Variants in DIP2C observed in about 807,000 individuals in gnomAD.
DIP2C encodes DIP2 acetate--CoA ligase C (putative), also known as disco-interacting protein 2 homolog C.
DIP2C carries 33 observed loss-of-function variants against 192.4 expected under a neutral mutation model. The observed-to-expected ratio is 0.17, with a 90% CI of 0.13 to 0.23. The LOEUF (loss-of-function observed/expected upper bound fraction) is 0.23. Among genes scored for constraint, DIP2C ranks in the 10% least tolerant of loss-of-function variants. The pLI is 1.00. For synonymous variants in DIP2C, 979 were observed against 864.1 expected (o/e 1.13, Z -2.33); for missense variants, 1,537 against 2,110.1 (o/e 0.73, Z 5.32).
chr10:515,184 G>A (rs1476684727), intron 1 of DIP2C, among the ~76,000 whole-genome samples: 2 of 152,142 alleles, frequency 1.3e-5, no homozygotes, highest in African/African-American at 2.4e-5. Flanking sequence ...ATGCAGCTGA[G>A]TTTTAATAGT....
At chr10:407,559 G>C (rs1278835028) in intron 9 of DIP2C, among the ~76,000 whole-genome samples, 1 of 152,000 alleles carries the variant, frequency 6.6e-6, no homozygotes, top group Non-Finnish European at 1.5e-5. Flanking sequence ...AATGCGCAAG[G>C]GTTCCGACTT....
chr10:445,646 A>T (rs1166425991), intron 3 of DIP2C, among the ~76,000 whole-genome samples: 3 of 151,080 alleles, frequency 2.0e-5, no homozygotes, highest in African/African-American at 4.9e-5. Context: ...TGCACTGGGC[A>T]TCTGTATACA....
At chr10:324,663 C>T (rs967732644) in intron 31 of DIP2C, 7 of 210,898 alleles carry the variant, frequency 3.3e-5, no homozygotes, top group Non-Finnish European at 5.9e-5. Context: ...TTTGATTTAG[C>T]GGTCATATTG....
At chr10:659,921 T>C (rs962198502) in intron 1 of DIP2C, among the ~76,000 whole-genome samples, 3 of 152,182 alleles carry the variant, frequency 2.0e-5, no homozygotes, top group African/African-American at 7.2e-5. Flanking sequence ...AACTAAATCA[T>C]AGTTGTCAAA....
chr10:524,084 C>T (rs1339697954), intron 1 of DIP2C, among the ~76,000 whole-genome samples: 1 of 118,258 alleles, frequency 8.5e-6, no homozygotes, highest in Non-Finnish European at 1.7e-5. Flanking sequence ...CACGCCCAGC[C>T]GTGACTGGAG....
intron 4 of DIP2C, among the ~76,000 whole-genome samples, chr10:436,463 G>A (rs1396092187): frequency 6.6e-6 from 1 of 152,146 alleles, no homozygotes; most frequent in African/African-American, 2.4e-5. Context: ...GGACTTGGCA[G>A]GGTGGCATGC....
chr10:327,070 C>T lies in DIP2C; in HGVS notation c.3860G>A (p.Gly1287Asp). The T allele has an allele frequency of 6.2e-7, 1 of 1,614,186 alleles. No individual in the cohort carries two copies. The highest frequency in any genetic ancestry group is 8.5e-7 in the Non-Finnish European group (1 of 1,180,042). ...QSFSKLFKDL[G>D]LHPRAVSTSF... ...GGTGCTGACGGCCCGCGGGTGAAGG[C>T]CCAGGTCCTTAAACAGCTTTGAGAA... The change falls in exon 31 of 37, where the codon GGC becomes GAC. Residue 1287 changes from glycine (G) to aspartate (D), a missense_variant. Gly to Asp is a moderately conservative substitution (Grantham distance 94, BLOSUM62 -1). Around this residue, in one of 4 missense-constraint regions of DIP2C, gnomAD observed 341 missense variants for 551.7 expected, o/e 0.62. Transcript: ENST00000280886.
intron 1 of DIP2C, chr10:631,279 T>TAGTA (rs1462664344): frequency 6.6e-6 from 1 of 152,260 alleles, no homozygotes; most frequent in African/African-American, 2.4e-5. Context: ...ACTTTCTCCT[T>TAGTA]ATTACATGTC....
At chr10:600,857 C>G (rs1370058163) in intron 1 of DIP2C, among the ~76,000 whole-genome samples, 4 of 151,448 alleles carry the variant, frequency 2.6e-5, no homozygotes, top group Non-Finnish European at 5.9e-5. Flanking sequence ...CTTTGGCCAT[C>G]TGGTCAAAGC....
chr10:327,421 CA>C lies in DIP2C; in HGVS notation c.3754-246del, dbSNP rs770601694. On this transcript the variant is annotated intron_variant, in intron 30 of 36. Transcript: ENST00000280886. ...CGTCTCAAACAACCACCTGGAGCCA[CA>C]GCAAGAACTGTTATGAGGAAAAAGG... Among the ~76,000 whole-genome samples the C allele has an allele frequency of 2.4e-4, 36 of 152,314 alleles. 2 individuals carry two copies. In the South Asian group the frequency reaches 6.2e-3, roughly 26 times the overall value.
In DIP2C at chr10:369,640, T is replaced by A; in HGVS notation, c.1992-7A>T. 6.2e-7 allele frequency: 1 copy of A among 1,614,084 alleles called. No homozygotes were observed. The highest frequency in any genetic ancestry group is 1.1e-5 in the South Asian group (1 of 91,076). On this transcript the variant is annotated splice_polypyrimidine_tract_variant and splice_region_variant and intron_variant, in intron 17 of 36. Transcript: ENST00000280886. ...GTTACTGTCATCCGTGGGCCTGTAA[T>A]GACAGTTTTTAACTTGAATATGCAG...
At chr10:568,519 G>A (rs372414713) in intron 1 of DIP2C, among the ~76,000 whole-genome samples, 9 of 152,096 alleles carry the variant, frequency 5.9e-5, no homozygotes, top group African/African-American at 1.9e-4. Flanking sequence ...TGTAATCCCA[G>A]CACTTTGGGA....
intron 3 of DIP2C, among the ~76,000 whole-genome samples, chr10:464,372 C>CA (rs1486137689): frequency 6.7e-6 from 1 of 149,938 alleles, no homozygotes; most frequent in Non-Finnish European, 1.5e-5. Flanking sequence ...TTTATGTGGC[C>CA]AACAAACTTA....
In DIP2C at chr10:487,567, G is replaced by GTTTTT. The variant is rs71376836; in HGVS notation, c.86-1042_86-1038dup. 7.2e-4 allele frequency among the ~76,000 whole-genome samples: 39 copies of GTTTTT among 54,198 alleles called. 3 individuals are homozygous for GTTTTT. Among genetic ancestry groups the GTTTTT allele is most frequent in the African/African-American group, 1.5e-3 (19 of 12,574 alleles). The allele number at this position is 54,198 out of a possible 152,430, so 35.6% of individuals were successfully genotyped here. A position where few individuals can be genotyped will look rare whatever the true frequency, so the allele number is the denominator to read the frequency against. On this transcript the variant is annotated intron_variant, in intron 1 of 36. Transcript: ENST00000280886. ...AACCCGCATCCGCCCATCAATGAGT[G>GTTTTT]TTTTTTTTTTTTTTTTTTTTTTTTT...
chr10:363,229 C>T lies in DIP2C; in HGVS notation c.2560G>A (p.Asp854Asn). ...AEQRPDSTEE[D>N]SFQWMSRVLQ... Reference sequence around the variant, plus strand: ...ACACGGCTCATCCACTGGAAACTGTCCTCTTCCGTGGAGTCAGGCCTCTGC... The same window carrying T: ...ACACGGCTCATCCACTGGAAACTGTTCTCTTCCGTGGAGTCAGGCCTCTGC... The change falls in exon 21 of 37, where the codon GAC becomes AAC. Residue 854 changes from aspartate (D) to asparagine (N), a missense_variant. This residue lies in a region of DIP2C where 677 missense variants were observed against 989.9 expected (regional missense o/e 0.68). Transcript: ENST00000280886. This position sits in a 1 kb window ranked among gnomAD's most constrained non-coding sequence, Gnocchi z 5.4. 6.2e-7 allele frequency: 1 copy of T among 1,613,738 alleles called. No homozygotes were observed. The highest frequency in any genetic ancestry group is 8.5e-7 in the Non-Finnish European group (1 of 1,180,018).
chr10:615,744 T>TC (rs1259424167), intron 1 of DIP2C, among the ~76,000 whole-genome samples: 2 of 152,052 alleles, frequency 1.3e-5, no homozygotes, highest in African/African-American at 4.8e-5. Flanking sequence ...AGACAGCCAC[T>TC]CCCACCAAGC....
chr10:493,344 C>T (rs964583214), intron 1 of DIP2C, among the ~76,000 whole-genome samples: 10 of 152,238 alleles, frequency 6.6e-5, no homozygotes, highest in Admixed American at 5.9e-4. Context: ...CCGTATTAAA[C>T]ACAGCTACTT....
chr10:366,228 A>G, intron 19 of DIP2C, 47 bp downstream of exon 19: 1 of 1,602,048 alleles, frequency 6.2e-7, no homozygotes, highest in Non-Finnish European at 8.5e-7. Flanking sequence ...GGCTCTTTGG[A>G]GACGGAGCCA....
chr10:662,213 C>A, intron 1 of DIP2C: 1 of 674,844 alleles, frequency 1.5e-6, no homozygotes, highest in East Asian at 2.7e-5. Flanking sequence ...AGGCCTCACA[C>A]CTGCTCTCAT....
Sources: allele counts gnomAD v4.1 joint callset (sites outside exome capture counted in the v4.1 genomes callset), GRCh38; gene constraint gnomAD v4.1.1; regional missense constraint gnomAD v4.1.1; non-coding constraint Gnocchi (gnomAD v3.1); transcripts MANE v1.5; gene names NCBI Gene and HGNC (gene_info 2026-07-23, HGNC 2026-07-21).